Variants in RASGRP3 observed in about 807,000 individuals in gnomAD.
RASGRP3 encodes ras guanyl-releasing protein 3.
A neutral mutation model predicts 82.7 loss-of-function variants in RASGRP3; 54 were observed. The observed-to-expected ratio is 0.65, with a 90% CI of 0.52 to 0.82. The LOEUF is 0.82. Among genes scored for constraint, RASGRP3 ranks in the 40% least tolerant of loss-of-function variants. RASGRP3 has a pLI of 0.00. For missense variants in RASGRP3, 861 were observed against 828.9 expected (o/e 1.04, Z -0.48); for synonymous variants, 309 against 300.5 (o/e 1.03, Z -0.29).
At chr2:33,464,469 A>AT (rs1666569587) in intron 2 of RASGRP3, among the ~76,000 whole-genome samples, 1 of 122,836 alleles carries the variant, frequency 8.1e-6, no homozygotes, top group Non-Finnish European at 1.9e-5. Flanking sequence ...GTGATCAGTG[A>AT]TCTTTTTTTA....
intron 2 of RASGRP3, among the ~76,000 whole-genome samples, chr2:33,455,204 T>A (rs1033144356): frequency 6.6e-6 from 1 of 152,208 alleles, no homozygotes; most frequent in African/African-American, 2.4e-5. Flanking sequence ...TACCATATAT[T>A]ATGGTTTTTC....
chr2:33,437,143 C>T (rs1664969135), intron 1 of RASGRP3, among the ~76,000 whole-genome samples: 1 of 152,032 alleles, frequency 6.6e-6, no homozygotes, highest in Non-Finnish European at 1.5e-5. Context: ...TCTAGAACCA[C>T]AAAAAACAGC....
At chr2:33,436,750 T>C (rs1664944812) in intron 1 of RASGRP3, among the ~76,000 whole-genome samples, 1 of 152,238 alleles carries the variant, frequency 6.6e-6, no homozygotes, top group Non-Finnish European at 1.5e-5. Context: ...AAATCAACCT[T>C]GGTTATGACA....
intron 1 of RASGRP3, among the ~76,000 whole-genome samples, chr2:33,496,248 G>A (rs74754535): frequency 6.6e-6 from 1 of 152,176 alleles, no homozygotes; most frequent in African/African-American, 2.4e-5. Flanking sequence ...AGAGAAAAAA[G>A]TTTAAAAAGC....
chr2:33,494,238 G>A (rs1012823730), intron 1 of RASGRP3, among the ~76,000 whole-genome samples: 1 of 152,098 alleles, frequency 6.6e-6, no homozygotes, highest in Non-Finnish European at 1.5e-5. Context: ...TTGGAGCTAC[G>A]GTTTTCTCTG....
intron 12 of RASGRP3, among the ~76,000 whole-genome samples, chr2:33,541,049 A>C (rs1674244349): frequency 6.8e-6 from 1 of 147,022 alleles, no homozygotes; most frequent in African/African-American, 2.4e-5. Flanking sequence ...GAATTAATTA[A>C]AACTGGAGAT....
Position 33,519,942 on chromosome 2 carries a change from A to T in RASGRP3, c.174-10A>T. 1 of 1,604,326 alleles carries T rather than the reference A, an allele frequency of 6.2e-7. No homozygotes were observed. The highest frequency in any genetic ancestry group is 1.3e-5 in the African/African-American group (1 of 74,908). ...GAGGTGCAAGGATTTTTTTTCTTTA[A>T]CTGGTTTACGTATCGAAATGCCACT... On this transcript the variant is annotated splice_polypyrimidine_tract_variant and intron_variant, in intron 4 of 17. Coordinates refer to ENST00000403687, the MANE Select transcript of RASGRP3 (RefSeq NM_001139488.2).
chr2:33,478,040 C>G (rs917001837), intron 1 of RASGRP3, among the ~76,000 whole-genome samples: 10 of 152,244 alleles, frequency 6.6e-5, no homozygotes, highest in Middle Eastern at 3.4e-3. Context: ...TCTCTCCCCA[C>G]CCTTACCATC....
At chr2:33,557,427 A>G (rs1676112595) in intron 15 of RASGRP3, among the ~76,000 whole-genome samples, 1 of 152,102 alleles carries the variant, frequency 6.6e-6, no homozygotes, top group African/African-American at 2.4e-5. Flanking sequence ...AATCCAGACA[A>G]GGCCGGGCAC....
At position 33,464,308 on chromosome 2, in the gene RASGRP3, C is replaced by T. The variant is rs375585041; in HGVS notation, c.-261+16365C>T. On this transcript the variant is annotated intron_variant, in intron 2 of 18. Transcript: ENST00000402538. The stretch of plus-strand genomic sequence containing the variant: ...TAATTTTTTTGTATTTTAGTAGAGT[C>T]GGGGTCTTACCATGTTGCCCAGGCT... Among the ~76,000 whole-genome samples, 91 of 150,158 alleles carry T rather than the reference C, an allele frequency of 6.1e-4. 2 individuals are homozygous for T. In the Middle Eastern group the frequency reaches 0.01, roughly 17 times the overall value.
In RASGRP3 at chr2:33,564,578, A is replaced by G. The variant is rs1283035104; in HGVS notation, c.*1841A>G. On this transcript the variant is annotated 3_prime_UTR_variant, in exon 18 of 18. Transcript: ENST00000403687. ...TTCAGGAAGAAACGTGTTAATAAAC[A>G]TTGTACTGTTCTTTTGCTTCTCAAA... 1 of 152,214 alleles carries G rather than the reference A, an allele frequency of 6.6e-6. No individual in the cohort carries two copies. Among genetic ancestry groups the G allele is most frequent in the African/African-American group, 2.4e-5 (1 of 41,452 alleles). 9.4% of individuals were successfully genotyped at this position (152,214 alleles called of 1,614,324 possible).
At chr2:33,543,404 T>C in intron 12 of RASGRP3, 108 bp from the exon 13 acceptor site, 1 of 655,976 alleles carries the variant, frequency 1.5e-6, no homozygotes, top group Non-Finnish European at 2.6e-6. Context: ...CACTAGATTC[T>C]AACCTCCTTG....
At chr2:33,471,982 T>C (rs1667084533), upstream of RASGRP3, among the ~76,000 whole-genome samples, 1 of 152,186 alleles carries the variant, frequency 6.6e-6, no homozygotes, top group African/African-American at 2.4e-5. Flanking sequence ...ATAGTTTTAT[T>C]ACAGTGTGAT....
At chr2:33,444,551 C>T (rs567077599) in intron 1 of RASGRP3, among the ~76,000 whole-genome samples, 9 of 152,280 alleles carry the variant, frequency 5.9e-5, no homozygotes, top group African/African-American at 1.7e-4. Flanking sequence ...AGAAGAGCTA[C>T]GGTGCCACCC....
At chr2:33,545,260 A>G (rs1474727029) in intron 13 of RASGRP3, among the ~76,000 whole-genome samples, 1 of 152,246 alleles carries the variant, frequency 6.6e-6, no homozygotes, top group Non-Finnish European at 1.5e-5. Flanking sequence ...TCTTGCTTAC[A>G]TGACACTAAA....
At chr2:33,558,021 C>T (rs1459661436) in intron 15 of RASGRP3, among the ~76,000 whole-genome samples, 190 bp from the exon 16 acceptor site, 1 of 152,016 alleles carries the variant, frequency 6.6e-6, no homozygotes, top group East Asian at 1.9e-4. Flanking sequence ...TTCGGAACCT[C>T]AGGAAGGCAA....
In RASGRP3 at chr2:33,549,691, C is replaced by T; in HGVS notation, c.1482C>T (p.Ile494=). The T allele has an allele frequency of 6.2e-7, 1 of 1,613,894 alleles. No homozygotes were observed. Among genetic ancestry groups the T allele is most frequent in the Non-Finnish European group, 8.5e-7 (1 of 1,179,812 alleles). The part of the protein sequence containing the change: ...QLHCKMGPGF[I]HNFQEMTYLK... ...ACTGTAAAATGGGACCAGGATTTAT[C>T]CATAATTTTCAGGAGATGACCTATC... Residue 494 remains isoleucine (I), a synonymous_variant, in exon 14 of 18, where the codon ATC becomes ATT. Transcript: ENST00000403687.
chr2:33,532,650 T>C (rs746860927), intron 10 of RASGRP3: 5 of 152,194 alleles, frequency 3.3e-5, no homozygotes, highest in Non-Finnish European at 5.9e-5. Flanking sequence ...GTGAATACGA[T>C]GTCTCTTCTT....
Position 33,439,501 on chromosome 2 carries a change from A to G in RASGRP3, c.-385+2910A>G, listed in dbSNP as rs185244133. Among the ~76,000 whole-genome samples, 416 of 152,344 alleles carry G rather than the reference A, an allele frequency of 2.7e-3. 2 individuals are homozygous for G. Among genetic ancestry groups the G allele is most frequent in the African/African-American group, 9.5e-3 (393 of 41,582 alleles). On this transcript the variant is annotated intron_variant, in intron 1 of 18. Transcript: ENST00000402538. ...AGATGAAATACAGGATGCCCAGTTCAATGTGAATTTCAGATAAACAACAAA... is the reference window on the plus strand; with the variant it reads ...AGATGAAATACAGGATGCCCAGTTCGATGTGAATTTCAGATAAACAACAAA...
Sources: gnomAD v4.1 joint callset for allele counts (sites outside exome capture counted in the v4.1 genomes callset) on GRCh38, gnomAD v4.1.1 for gene constraint, MANE v1.5 for transcripts, NCBI Gene and HGNC (gene_info 2026-07-23, HGNC 2026-07-21) for gene names.